Variants in DCC observed in about 807,000 individuals in gnomAD.
The protein encoded by DCC is DCC netrin 1 receptor.
Under a neutral mutation model 172.5 loss-of-function variants are expected in DCC, and 58 were observed. That is an observed-to-expected ratio of 0.34 (90% confidence interval 0.27 to 0.42). DCC has a LOEUF of 0.42. Ranked by LOEUF, DCC falls within the 10% of genes least tolerant of loss-of-function variation. DCC has a pLI of 1.00. For missense variants in DCC, 1,740 were observed against 1,791.0 expected (o/e 0.97, Z 0.51); for synonymous variants, 709 against 644.5 (o/e 1.10, Z -1.52).
chr18:53,246,712 T>C (rs2056369287), intron 12 of DCC, among the ~76,000 whole-genome samples: 2 of 152,232 alleles, frequency 1.3e-5, no homozygotes, highest in South Asian at 4.1e-4. Flanking sequence ...AGGATTTTTA[T>C]ATAGGTCATG....
chr18:52,587,967 G>A (rs2033714950), intron 1 of DCC, among the ~76,000 whole-genome samples: 1 of 152,188 alleles, frequency 6.6e-6, no homozygotes, highest in Non-Finnish European at 1.5e-5. Context: ...ACCCGATTAT[G>A]TATATACTAC....
chr18:52,970,802 A>G (rs996426162), intron 5 of DCC, among the ~76,000 whole-genome samples: 1 of 152,160 alleles, frequency 6.6e-6, no homozygotes, highest in African/African-American at 2.4e-5. Context: ...CTGTAGAATT[A>G]TTTCTATGTA....
chr18:53,046,525 A>G (rs574027526), intron 5 of DCC, among the ~76,000 whole-genome samples: 1 of 151,962 alleles, frequency 6.6e-6, no homozygotes, highest in South Asian at 2.1e-4. Context: ...GCAGCAGAAA[A>G]TGTTCTGATA....
chr18:52,580,214 C>A (rs1445290196), intron 1 of DCC, among the ~76,000 whole-genome samples: 1 of 152,160 alleles, frequency 6.6e-6, no homozygotes, highest in African/African-American at 2.4e-5. Flanking sequence ...CAAGGATGAC[C>A]TTAAGGCCCA....
intron 24 of DCC, among the ~76,000 whole-genome samples, chr18:53,460,211 A>G (rs1216399919): frequency 1.0e-5 from 1 of 98,712 alleles, no homozygotes; most frequent in Non-Finnish European, 2.7e-5. Context: ...ATCATCAACC[A>G]AATACTATCA....
chr18:52,586,695 G>A (rs770642060), intron 1 of DCC, among the ~76,000 whole-genome samples: 2 of 152,108 alleles, frequency 1.3e-5, no homozygotes, highest in Non-Finnish European at 2.9e-5. Flanking sequence ...TTGATTCCTC[G>A]ACCCTGAATT....
intron 1 of DCC, among the ~76,000 whole-genome samples, chr18:52,653,174 G>A (rs763095581): frequency 2.9e-4 from 44 of 152,076 alleles, no homozygotes; most frequent in Non-Finnish European, 1.2e-4. Context: ...TCTTTTAAAG[G>A]CATATTGTAT....
rs577936977 is a variant in DCC at position 52,672,532 on chromosome 18, C to T, written c.92-79522C>T. On this transcript the variant is annotated intron_variant, in intron 1 of 28. Coordinates refer to ENST00000442544, the MANE Select transcript of DCC (RefSeq NM_005215.4). Reference sequence around the variant, plus strand: ...CTTACTTCCTCATTCCTTCTCCCTTCCTTTCTTTCTTCCTTCTAACCCTCT... The same window carrying T: ...CTTACTTCCTCATTCCTTCTCCCTTTCTTTCTTTCTTCCTTCTAACCCTCT... Among the ~76,000 whole-genome samples the T allele has an allele frequency of 2.0e-5, 3 of 152,002 alleles. No homozygotes were observed. In the South Asian group the frequency reaches 6.2e-4, roughly 32 times the overall value.
At chr18:52,919,503 A>G (rs748923272) in intron 3 of DCC, among the ~76,000 whole-genome samples, 8 of 152,184 alleles carry the variant, frequency 5.3e-5, no homozygotes, top group Non-Finnish European at 1.2e-4. Context: ...TGACATTTTC[A>G]TATGAATGTA....
chr18:52,609,269 C>T (rs942418601), intron 1 of DCC, among the ~76,000 whole-genome samples: 2 of 151,728 alleles, frequency 1.3e-5, no homozygotes, highest in Non-Finnish European at 2.9e-5. Context: ...GAGTGAAAGG[C>T]GAAAAAAAGT....
At chr18:52,951,744 T>C (rs2040651829) in intron 5 of DCC, among the ~76,000 whole-genome samples, 2 of 152,236 alleles carry the variant, frequency 1.3e-5, no homozygotes, top group African/African-American at 4.8e-5. Flanking sequence ...TGTTAATTAA[T>C]GTTTTATTCT....
At chr18:52,778,544 C>T (rs1473099393) in intron 2 of DCC, among the ~76,000 whole-genome samples, 1 of 152,112 alleles carries the variant, frequency 6.6e-6, no homozygotes, top group Non-Finnish European at 1.5e-5. Flanking sequence ...TAGACCCTTT[C>T]CCCATCAAAT....
At chr18:52,444,161 C>T (rs1306257809) in intron 1 of DCC, among the ~76,000 whole-genome samples, 4 of 152,166 alleles carry the variant, frequency 2.6e-5, no homozygotes, top group Non-Finnish European at 5.9e-5. Flanking sequence ...CTACCTGAAC[C>T]AGGTCTGGAA....
At chr18:53,255,896 A>C (rs1048699758) in intron 12 of DCC, among the ~76,000 whole-genome samples, 1 of 152,074 alleles carries the variant, frequency 6.6e-6, no homozygotes, top group African/African-American at 2.4e-5. Flanking sequence ...CTTTTTAATG[A>C]TCACCATTCT....
At chr18:52,986,833 C>T (rs201938141) in intron 5 of DCC, among the ~76,000 whole-genome samples, 10 of 127,430 alleles carry the variant, frequency 7.8e-5, no homozygotes, top group African/African-American at 3.4e-4. Flanking sequence ...CACACATATA[C>T]ATACACACAC....
At chr18:52,835,491 A>C (rs1223347463) in intron 2 of DCC, among the ~76,000 whole-genome samples, 4 of 152,226 alleles carry the variant, frequency 2.6e-5, no homozygotes, top group Non-Finnish European at 5.9e-5. Context: ...TGTTGAAGGA[A>C]ATATGACTGA....
chr18:52,876,500 G>A (rs564084537), intron 2 of DCC, among the ~76,000 whole-genome samples: 1 of 152,234 alleles, frequency 6.6e-6, no homozygotes, highest in African/African-American at 2.4e-5. Context: ...TATTTACATT[G>A]GATGTCACAG....
intron 21 of DCC, among the ~76,000 whole-genome samples, chr18:53,419,493 A>G (rs1788538313): frequency 6.6e-6 from 1 of 151,476 alleles, no homozygotes; most frequent in African/African-American, 2.4e-5. Context: ...CTCTACATCG[A>G]TGAATTCAAT....
At chr18:53,194,777 G>A (rs994359676) in intron 9 of DCC, among the ~76,000 whole-genome samples, 5 of 152,064 alleles carry the variant, frequency 3.3e-5, no homozygotes, top group African/African-American at 1.2e-4. Flanking sequence ...GCCCAGGTTT[G>A]GTTTTTAAGC....
Sources: allele counts gnomAD v4.1 joint callset (sites outside exome capture counted in the v4.1 genomes callset), GRCh38; gene constraint gnomAD v4.1.1; transcripts MANE v1.5; gene names NCBI Gene and HGNC (gene_info 2026-07-23, HGNC 2026-07-21).